BRSK1: variants seen among roughly 807,000 people sequenced by gnomAD.
BRSK1 encodes the protein BR serine/threonine kinase 1.
In BRSK1, 17 loss-of-function variants were observed where a neutral mutation model predicts 86.2. The observed-to-expected ratio is 0.20, with a 90% CI of 0.14 to 0.30. The LOEUF (loss-of-function observed/expected upper bound fraction) is 0.30. BRSK1 is among the 10% of genes least tolerant of loss of function. The pLI is 1.00. For synonymous variants in BRSK1, 464 were observed against 440.1 expected, an observed-to-expected ratio of 1.05 and a Z score of -0.68; for missense variants, 719 against 1,071.9, an observed-to-expected ratio of 0.67 and a Z score of 4.60.
Position 55,284,426 on chromosome 19 carries a change from C to A in BRSK1, c.-17C>A. The A allele has an allele frequency of 3.3e-6, 4 of 1,217,690 alleles. No individual in the cohort carries two copies. Among genetic ancestry groups the A allele is most frequent in the Non-Finnish European group, 4.2e-6 (4 of 950,382 alleles). 75.4% of individuals were successfully genotyped at this position (1,217,690 alleles called of 1,614,324 possible). A position where few individuals can be genotyped will look rare whatever the true frequency, so the allele number is the denominator to read the frequency against. ...GGGGGCGGCCGGGGGACCGGTCGGG[C>A]CGGGACCAAGGGCACCATGTCGTCC... On this transcript the variant is annotated 5_prime_UTR_variant, in exon 1 of 19. Transcript: ENST00000309383.
rs1486742178 is a variant in BRSK1 at position 55,289,575 on chromosome 19, G to A, written c.413G>A (p.Arg138His). 1.2e-6 allele frequency: 2 copies of A among 1,614,096 alleles called. No homozygotes were observed. Among genetic ancestry groups the A allele is most frequent in the South Asian group, 1.1e-5 (1 of 91,062 alleles). The change falls in exon 4 of 19, where the codon CGC becomes CAC. Residue 138 changes from arginine to histidine, a missense_variant. By Grantham distance (29) the Arg-to-His change is conservative. Around this residue, in one of 6 missense-constraint regions of BRSK1, gnomAD observed 75 missense variants for 281.0 expected, o/e 0.27. Coordinates refer to ENST00000309383, the MANE Select transcript of BRSK1 (RefSeq NM_032430.2). ...CCCAAGGAGGCCCGAAAGTTCTTCC[G>A]CCAGATTGTGTCTGCGCTGGACTTC... The part of the protein sequence containing the change: ...LTPKEARKFF[R>H]QIVSALDFCH...
intron 18 of BRSK1, 94 bp downstream of exon 18, chr19:55,308,822 G>A (rs1463947021): frequency 5.0e-6 from 1 of 201,886 alleles, no homozygotes; most frequent in Non-Finnish European, 8.6e-6. Context: ...GTGGCGGGGG[G>A]CGTGGGTGGC....
chr19:55,284,701 A>C, intron 1 of BRSK1, 123 bp downstream of exon 1: 6 of 806,056 alleles, frequency 7.4e-6, no homozygotes, highest in Non-Finnish European at 9.9e-6. Flanking sequence ...CTCATAGAGA[A>C]GGGACTTGGG....
chr19:55,291,109 G>C (rs1282884082), intron 4 of BRSK1, among the ~76,000 whole-genome samples: 1 of 152,038 alleles, frequency 6.6e-6, no homozygotes, highest in Non-Finnish European at 1.5e-5. Context: ...GTTGAGTAAG[G>C]GTTATTTATT....
chr19:55,311,860 AC>A, intron 18 of BRSK1, 50 bp from the exon 19 acceptor site: 1 of 1,588,288 alleles, frequency 6.3e-7, no homozygotes, highest in Non-Finnish European at 8.6e-7. Context: ...GGTAATGGGA[AC>A]CCCAACCCTG....
intron 4 of BRSK1, among the ~76,000 whole-genome samples, chr19:55,290,877 G>C (rs181172994): frequency 1.3e-5 from 2 of 152,016 alleles, no homozygotes; most frequent in Non-Finnish European, 2.9e-5. Context: ...TCCTGACCTC[G>C]TAATCCGTCC....
At chr19:55,291,274 C>T (rs1364134722) in intron 4 of BRSK1, among the ~76,000 whole-genome samples, 1 of 152,012 alleles carries the variant, frequency 6.6e-6, no homozygotes, top group Non-Finnish European at 1.5e-5. Flanking sequence ...CATGGTAGCA[C>T]ATGCCTGTAA....
At chr19:55,292,823 G>C (rs2088428287) in intron 4 of BRSK1, among the ~76,000 whole-genome samples, 1 of 143,986 alleles carries the variant, frequency 6.9e-6, no homozygotes, top group South Asian at 2.3e-4. Context: ...GACAGAGTGA[G>C]ACTCTGTCTC....
At chr19:55,295,247 C>G (rs932971951) in intron 7 of BRSK1, among the ~76,000 whole-genome samples, 2 of 152,118 alleles carry the variant, frequency 1.3e-5, no homozygotes, top group East Asian at 1.9e-4. Flanking sequence ...CTCAGCCTCC[C>G]GAGCAGCTGG....
At position 55,301,791 on chromosome 19, in the gene BRSK1, C is replaced by G; in HGVS notation, c.825+133C>G. The stretch of plus-strand genomic sequence containing the variant: ...GGGTGACTGGGATCGCCAGCTGAGC[C>G]GCAGCCCAAGGTCCAGCACAGCTGC... On this transcript the variant is annotated intron_variant, in intron 8 of 18. Coordinates refer to ENST00000309383, the MANE Select transcript of BRSK1 (RefSeq NM_032430.2). 2.6e-6 allele frequency: 3 copies of G among 1,169,560 alleles called. 1 individual carries two copies. The South Asian group carries it at 4.6e-5, about 18-fold the overall frequency. 72.4% of individuals were successfully genotyped at this position (1,169,560 alleles called of 1,614,324 possible). A position where few individuals can be genotyped will look rare whatever the true frequency, so the allele number is the denominator to read the frequency against.
At chr19:55,298,539 C>T (rs1431842783) in intron 7 of BRSK1, among the ~76,000 whole-genome samples, 1 of 152,132 alleles carries the variant, frequency 6.6e-6, no homozygotes, top group Non-Finnish European at 1.5e-5. Context: ...ATTTGCCTAC[C>T]TGTCAAAATG....
chr19:55,299,631 G>A (rs2045468523), intron 7 of BRSK1, among the ~76,000 whole-genome samples: 1 of 151,952 alleles, frequency 6.6e-6, no homozygotes, highest in African/African-American at 2.4e-5. Context: ...AGTGATCCTC[G>A]CCCCTTGGCC....
Position 55,284,345 on chromosome 19 carries a change from G to T in BRSK1, c.-98G>T. 3 of 905,918 alleles carry T rather than the reference G, an allele frequency of 3.3e-6. No homozygotes were observed. The highest frequency in any genetic ancestry group is 1.7e-5 in the African/African-American group (1 of 57,388). 56.1% of individuals were successfully genotyped at this position (905,918 alleles called of 1,614,324 possible). On this transcript the variant is annotated 5_prime_UTR_variant, in exon 1 of 19. Coordinates refer to ENST00000309383, the MANE Select transcript of BRSK1 (RefSeq NM_032430.2). The stretch of plus-strand genomic sequence containing the variant: ...CGGAGAGGTGGGGGGCAGCCGGGGG[G>T]GCCGGGACGGAGCGGTCGCCGGCCC...
chr19:55,312,122 C>T lies in BRSK1; in HGVS notation c.*54C>T. The T allele has an allele frequency of 3.9e-6, 3 of 760,176 alleles. No homozygotes were observed. Among genetic ancestry groups the T allele is most frequent in the Non-Finnish European group, 6.2e-6 (3 of 486,754 alleles). The allele number at this position is 760,176 out of a possible 1,614,324, so 47.1% of individuals were successfully genotyped here. On this transcript the variant is annotated 3_prime_UTR_variant, in exon 19 of 19. Transcript: ENST00000309383. ...CCCCTCCACCCCCCTTCCGTGCCCC[C>T]CAACTGTGAATCTGTAAATAAGGCC...
Position 55,294,242 on chromosome 19 carries a change from A to G in BRSK1, c.604A>G (p.Ile202Val). The G allele has an allele frequency of 6.2e-7, 1 of 1,614,046 alleles. No homozygotes were observed. The highest frequency in any genetic ancestry group is 1.3e-5 in the African/African-American group (1 of 75,012). ...GSPHYACPEV[I>V]KGEKYDGRRA... Reference sequence around the variant, plus strand: ...CCCCCATTATGCGTGTCCAGAGGTGATTAAGGTGAGTGAGGGGCGGATAGA... The same window carrying G: ...CCCCCATTATGCGTGTCCAGAGGTGGTTAAGGTGAGTGAGGGGCGGATAGA... The change falls in exon 6 of 19, where the codon ATT becomes GTT. Residue 202 changes from isoleucine (I) to valine (V), a missense_variant. Coordinates refer to ENST00000309383, the MANE Select transcript of BRSK1 (RefSeq NM_032430.2). The surrounding 1 kb of genome is among the most constrained non-coding windows in gnomAD (Gnocchi z 4.9).
chr19:55,288,774 G>A (rs1055998643), intron 3 of BRSK1, among the ~76,000 whole-genome samples: 4 of 151,868 alleles, frequency 2.6e-5, no homozygotes, highest in Non-Finnish European at 5.9e-5. Flanking sequence ...TAGTAGAGAC[G>A]GGGTTTCACC....
Position 55,304,371 on chromosome 19 carries a change from C to T in BRSK1, c.1348-180C>T, listed in dbSNP as rs891412213. ...GTATCTGCACCGGCTGGGTTTTCAG[C>T]CCACAGCATGATAGAAAGTCTTTGC... On this transcript the variant is annotated intron_variant, in intron 13 of 18. Coordinates refer to ENST00000309383, the MANE Select transcript of BRSK1 (RefSeq NM_032430.2). This position sits in a 1 kb window ranked among gnomAD's most constrained non-coding sequence, Gnocchi z 5.2. Among the ~76,000 whole-genome samples, 3 of 152,290 alleles carry T rather than the reference C, an allele frequency of 2.0e-5. No individual in the cohort carries two copies. The East Asian group carries it at 5.8e-4, about 29-fold the overall frequency.
rs897932705 is a variant in BRSK1 at position 55,305,523 on chromosome 19, C to T, written c.1827C>T (p.Phe609=). ...FISLDKEEQI[F]LVLKDKPLSS... ...CCTTGGACAAAGAAGAACAAATATT[C>T]CTCGTGCTAAAGGACAAACCTCTCA... Residue 609 remains phenylalanine, a synonymous_variant, in exon 16 of 19, where the codon TTC becomes TTT. Coordinates refer to ENST00000309383, the MANE Select transcript of BRSK1 (RefSeq NM_032430.2). 3 of 1,614,096 alleles carry T rather than the reference C, an allele frequency of 1.9e-6. No individual in the cohort carries two copies. Among genetic ancestry groups the T allele is most frequent in the African/African-American group, 1.3e-5 (1 of 74,928 alleles).
At chr19:55,286,298 G>A (rs1487062176) in intron 1 of BRSK1, among the ~76,000 whole-genome samples, 4 of 151,932 alleles carry the variant, frequency 2.6e-5, no homozygotes, top group Non-Finnish European at 5.9e-5. Flanking sequence ...AGCTTTAGGG[G>A]CTAGTCAGGG....
Sources: allele counts gnomAD v4.1 joint callset (sites outside exome capture counted in the v4.1 genomes callset), GRCh38; gene constraint gnomAD v4.1.1; regional missense constraint gnomAD v4.1.1; non-coding constraint Gnocchi (gnomAD v3.1); transcripts MANE v1.5; gene names NCBI Gene and HGNC (gene_info 2026-07-23, HGNC 2026-07-21).